LYST: variants seen among roughly 807,000 people sequenced by gnomAD.
The protein encoded by LYST is lysosomal trafficking regulator.
LYST carries 192 observed loss-of-function variants against 413.6 expected under a neutral mutation model. The observed-to-expected ratio is 0.46, with a 90% CI of 0.41 to 0.52. The LOEUF (loss-of-function observed/expected upper bound fraction) is 0.52, where lower values mean the gene tolerates loss of function less well. LYST is among the 20% of genes least tolerant of loss of function. The pLI, the probability that LYST is intolerant of heterozygous loss-of-function variation, is 0.00. For synonymous variants in LYST, 1,525 were observed against 1,567.3 expected (o/e 0.97, Z 0.64); for missense variants, 3,815 against 4,499.9 (o/e 0.85, Z 4.35).
At chr1:235,738,906 G>T (rs189624911) in intron 31 of LYST, 49 of 735,954 alleles carry the variant, frequency 6.7e-5, no homozygotes, top group Middle Eastern at 4.0e-4. Context: ...CCGTGTGAAG[G>T]TGACTCTGAC....
At chr1:235,772,713 G>T (rs768971124) in intron 19 of LYST, among the ~76,000 whole-genome samples, 2 of 152,082 alleles carry the variant, frequency 1.3e-5, no homozygotes, top group Non-Finnish European at 2.9e-5. Flanking sequence ...TGGCCAGCAT[G>T]GCTCCCCTAG....
chr1:235,703,999 A>G (rs1661756609), intron 44 of LYST, among the ~76,000 whole-genome samples: 1 of 152,168 alleles, frequency 6.6e-6, no homozygotes, highest in South Asian at 2.1e-4. Context: ...AAGTGAGAAC[A>G]TGTGGTATTT....
rs6676149 is a variant in LYST, at chr1:235,747,092, A to G, written c.7781-565T>C. The G allele has an allele frequency of 0.36, 98,480 of 274,126 alleles. 19,724 individuals carry two copies. The highest frequency in any genetic ancestry group is 0.49 in the African/African-American group (21,525 of 43,628). The allele number at this position is 274,126 out of a possible 1,614,324, so 17.0% of individuals were successfully genotyped here. A position where few individuals can be genotyped will look rare whatever the true frequency, so the allele number is the denominator to read the frequency against. ...AAACATATGCATCATTTGGAATTCA[A>G]TGCTACAAAAGCATTTCCTGAGAAA... On this transcript the variant is annotated intron_variant, in intron 28 of 52. Transcript: ENST00000389793.
At chr1:235,783,468 C>T (rs111315307) in intron 14 of LYST, among the ~76,000 whole-genome samples, 44 of 151,924 alleles carry the variant, frequency 2.9e-4, no homozygotes, top group African/African-American at 6.3e-4. Flanking sequence ...CATCACACAC[C>T]GGGGCCTGTC....
intron 50 of LYST, among the ~76,000 whole-genome samples, chr1:235,673,423 TG>T (rs1388182832): frequency 6.6e-6 from 1 of 152,072 alleles, no homozygotes; most frequent in African/African-American, 2.4e-5. Flanking sequence ...CCGCCTATGG[TG>T]GGGAGATCAG....
intron 3 of LYST, among the ~76,000 whole-genome samples, chr1:235,826,943 A>G (rs1448158655): frequency 6.6e-6 from 1 of 151,584 alleles, no homozygotes; most frequent in East Asian, 2.0e-4. Flanking sequence ...TCGGCCTCCC[A>G]AAGGATTGGG....
intron 34 of LYST, 126 bp downstream of exon 34, chr1:235,733,377 T>C (rs749523287): frequency 3.6e-6 from 3 of 823,262 alleles, no homozygotes; most frequent in Non-Finnish European, 5.9e-6. Flanking sequence ...ACATCACAAA[T>C]GATTAAACAA....
chr1:235,803,286 G>A (rs564875493), intron 7 of LYST, among the ~76,000 whole-genome samples: 1 of 152,104 alleles, frequency 6.6e-6, no homozygotes. Flanking sequence ...AACAAAGTAA[G>A]TTATAGGTCA....
intron 38 of LYST, 47 bp downstream of exon 38, chr1:235,728,028 TG>T (rs770455300): frequency 7.6e-7 from 1 of 1,307,402 alleles, no homozygotes; most frequent in African/African-American, 1.4e-5. Flanking sequence ...GATACATTTT[TG>T]GAATCTGTCT....
At chr1:235,774,731 GTAAT>G (rs993221378) in intron 18 of LYST, among the ~76,000 whole-genome samples, 178 bp downstream of exon 18, 12 of 152,192 alleles carry the variant, frequency 7.9e-5, no homozygotes, top group African/African-American at 2.6e-4. Context: ...AAAGAAAAAT[GTAAT>G]TATTTAAATG....
chr1:235,665,325 C>T (rs554121356), intron 50 of LYST, among the ~76,000 whole-genome samples: 1 of 151,940 alleles, frequency 6.6e-6, no homozygotes, highest in African/African-American at 2.4e-5. Context: ...TAAGAAGTGA[C>T]TTGGCCAGGC....
At chr1:235,696,647 A>G (rs1370779043) in intron 46 of LYST, among the ~76,000 whole-genome samples, 3 of 152,190 alleles carry the variant, frequency 2.0e-5, no homozygotes, top group Non-Finnish European at 4.4e-5. Context: ...GGGGAGTCAG[A>G]AAAGGATTGG....
At chr1:235,740,802 TC>T (rs1158006207) in intron 31 of LYST, among the ~76,000 whole-genome samples, 1 of 152,206 alleles carries the variant, frequency 6.6e-6, no homozygotes, top group African/African-American at 2.4e-5. Flanking sequence ...TGTTTTAATT[TC>T]TTTTTCAGGT....
chr1:235,676,352 G>C (rs57294759), intron 50 of LYST, among the ~76,000 whole-genome samples: 6,973 of 152,186 alleles, frequency 0.046, 491 homozygotes, highest in African/African-American at 0.15. Context: ...TAACATACCA[G>C]ATCAAACAAG....
chr1:235,802,551 G>A (rs1237079259), intron 8 of LYST, among the ~76,000 whole-genome samples: 3 of 152,158 alleles, frequency 2.0e-5, no homozygotes, highest in Admixed American at 6.5e-5. Context: ...TGCCTCTTCA[G>A]AAAGGACTTC....
intron 39 of LYST, among the ~76,000 whole-genome samples, chr1:235,722,475 C>CA (rs980589413): frequency 2.0e-5 from 3 of 152,032 alleles, no homozygotes; most frequent in African/African-American, 7.2e-5. Context: ...CAGCACTGAG[C>CA]AAGTTTTTTG....
intron 12 of LYST, among the ~76,000 whole-genome samples, chr1:235,791,116 G>A (rs1181659750): frequency 3.3e-5 from 5 of 151,904 alleles, no homozygotes; most frequent in South Asian, 2.1e-4. Context: ...AAACACCATC[G>A]CTACTAAAAA....
In LYST at chr1:235,730,567, ATGTGTGTGTGTGTGTGTG is replaced by A. The variant is rs4006790; in HGVS notation, c.9044+262_9044+279del. On this transcript the variant is annotated intron_variant, in intron 36 of 52. Transcript: ENST00000389793. The stretch of plus-strand genomic sequence containing the variant: ...TATGTGTATATATATACATATTTAT[ATGTGTGTGTGTGTGTGTG>A]TGTGTGTGTGTGTGTGTGTGTGTGT... Among the ~76,000 whole-genome samples, 41,391 of 137,370 alleles carry A rather than the reference ATGTGTGTGTGTGTGTGTG, an allele frequency of 0.3. 6,179 individuals carry two copies. Among genetic ancestry groups the A allele is most frequent in the African/African-American group, 0.36 (13,152 of 36,694 alleles). The allele number at this position is 137,370 out of a possible 152,430, so 90.1% of individuals were successfully genotyped here.
chr1:235,850,161 C>T (rs543392430), intron 1 of LYST, among the ~76,000 whole-genome samples: 1 of 152,192 alleles, frequency 6.6e-6, no homozygotes, highest in South Asian at 2.1e-4. Flanking sequence ...TAGTGTGGTA[C>T]TGGTATAAAA....
Sources: allele counts gnomAD v4.1 joint callset (sites outside exome capture counted in the v4.1 genomes callset), GRCh38; gene constraint gnomAD v4.1.1; transcripts MANE v1.5; gene names NCBI Gene and HGNC (gene_info 2026-07-23, HGNC 2026-07-21).